ERO1B: variants seen among roughly 807,000 people sequenced by gnomAD.
The protein encoded by ERO1B is endoplasmic reticulum oxidoreductase 1 beta, also known as ERO1-like protein beta.
ERO1B carries 49 observed loss-of-function variants against 75.3 expected under a neutral mutation model. The observed-to-expected ratio is 0.65, with a 90% CI of 0.52 to 0.83. ERO1B has a LOEUF of 0.83. Ranked by LOEUF, ERO1B falls within the 40% of genes least tolerant of loss-of-function variation. The pLI is 0.00. For missense variants in ERO1B, 512 were observed against 560.1 expected, an observed-to-expected ratio of 0.91 and a Z score of 0.87; for synonymous variants, 191 against 192.9, an observed-to-expected ratio of 0.99 and a Z score of 0.08.
rs1236710964 is a variant in ERO1B at position 236,246,666 on chromosome 1, T to G, written c.432-3171A>C. 2.0e-5 allele frequency among the ~76,000 whole-genome samples: 3 copies of G among 152,200 alleles called. No homozygotes were observed. The East Asian group carries it at 5.8e-4, about 29-fold the overall frequency. The stretch of plus-strand genomic sequence containing the variant: ...CAGATACAACAGAATATGTTCTATA[T>G]CATTCTATTTATAAACAGTTAAAAC... On this transcript the variant is annotated intron_variant, in intron 5 of 15. Coordinates refer to ENST00000354619, the MANE Select transcript of ERO1B (RefSeq NM_019891.4).
Position 236,225,112 on chromosome 1 carries a change from T to G in ERO1B, c.1080A>C (p.Lys360Asn). ...TKSFPMHFDE[K>N]SMFAGDKKGA... ...CTTTTTTGTCACCTGCAAACATGGA[T>G]TTCTCATCAAAGTGCATGGGAAAGG... The change falls in exon 13 of 16, where the codon AAA (lysine) becomes AAC (asparagine). Residue 360 changes from lysine (K) to asparagine (N), a missense_variant. Physicochemically the swap from Lys to Asn is moderately conservative, Grantham distance 94. Transcript: ENST00000354619. The G allele has an allele frequency of 6.2e-7, 1 of 1,613,920 alleles. No homozygotes were observed. The highest frequency in any genetic ancestry group is 8.5e-7 in the Non-Finnish European group (1 of 1,179,822).
intron 13 of ERO1B, among the ~76,000 whole-genome samples, chr1:236,223,219 AAAAAAG>A (rs1420091314): frequency 1.3e-5 from 2 of 151,498 alleles, no homozygotes; most frequent in Non-Finnish European, 2.9e-5. Context: ...AAAAAAAAAA[AAAAAAG>A]AGAAGTTTCC....
rs1283496858 is a variant in ERO1B, at chr1:236,253,508, TGAAA to T, written c.223-7_223-4del. ...GGACAAGGTCGCTTCAGATTAACCT[TGAAA>T]GAAAGAACAAAGTTAGTAAACTCAT... On this transcript the variant is annotated splice_region_variant and splice_polypyrimidine_tract_variant and intron_variant, in intron 2 of 15. Coordinates refer to ENST00000354619, the MANE Select transcript of ERO1B (RefSeq NM_019891.4). 8 of 1,596,932 alleles carry T rather than the reference TGAAA, an allele frequency of 5.0e-6. No individual in the cohort carries two copies. The African/African-American group carries it at 9.4e-5, about 19-fold the overall frequency.
At chr1:236,260,340 T>C (rs1665266812) in intron 2 of ERO1B, among the ~76,000 whole-genome samples, 1 of 152,154 alleles carries the variant, frequency 6.6e-6, no homozygotes, top group Non-Finnish European at 1.5e-5. Context: ...TTAAGGAAAC[T>C]GATTCAATAA....
chr1:236,270,806 T>C (rs564468129), intron 1 of ERO1B, among the ~76,000 whole-genome samples: 1 of 151,990 alleles, frequency 6.6e-6, no homozygotes, highest in African/African-American at 2.4e-5. Context: ...AATGAAAAAA[T>C]TTTAGAAATG....
In ERO1B at chr1:236,217,604, T is replaced by C. The variant is rs1014018742; in HGVS notation, c.*912A>G. On this transcript the variant is annotated 3_prime_UTR_variant, in exon 16 of 16. Coordinates refer to ENST00000354619, the MANE Select transcript of ERO1B (RefSeq NM_019891.4). Reference sequence around the variant, plus strand: ...AATTTTGTGTATATAATATTTTCAATTGGCATTATAAATTCATATAATCCC... The same window carrying C: ...AATTTTGTGTATATAATATTTTCAACTGGCATTATAAATTCATATAATCCC... The C allele has an allele frequency of 1.7e-4, 26 of 152,742 alleles. No individual in the cohort carries two copies. Among genetic ancestry groups the C allele is most frequent in the African/African-American group, 6.3e-4 (26 of 41,586 alleles). 9.5% of individuals were successfully genotyped at this position (152,742 alleles called of 1,614,324 possible).
chr1:236,253,474 G>T lies in ERO1B; in HGVS notation c.254C>A (p.Ala85Glu). 1 of 1,610,548 alleles carries T rather than the reference G, an allele frequency of 6.2e-7. No homozygotes were observed. Among genetic ancestry groups the T allele is most frequent in the Non-Finnish European group, 8.5e-7 (1 of 1,177,942 alleles). ...TTTTATTGAACAGTGGCCATCTTCT[G>T]CCCAGAAAGGACAAGGTCGCTTCAG... is the stretch of plus-strand genomic sequence containing the variant. ...VNLKRPCPFW[A>E]EDGHCSIKDC... Residue 85 changes from alanine (A) to glutamate (E), a missense_variant, in exon 3 of 16, where the codon GCA (alanine) becomes GAA (glutamate). Ala to Glu is a moderately radical substitution (Grantham distance 107, BLOSUM62 -1). Transcript: ENST00000354619.
At chr1:236,232,690 T>TTG in intron 9 of ERO1B, 138 bp downstream of exon 9, 1 of 555,636 alleles carries the variant, frequency 1.8e-6, no homozygotes. Context: ...TTTTTTTTTT[T>TTG]GGTCACCATT....
At position 236,226,700 on chromosome 1, in the gene ERO1B, G is replaced by C; in HGVS notation, c.752C>G (p.Ser251Trp). Residue 251 changes from serine (S) to tryptophan (W), a missense_variant, in exon 11 of 16, where the codon TCG becomes TGG. Transcript: ENST00000354619. ...LEKRVFYKLI[S>W]GLHASINLHL... ...TAAATTGATGCTAGCATGAAGTCCC[G>C]ATATAAGCTTATAGAAGACTCTTTT... 6.2e-7 allele frequency: 1 copy of C among 1,612,460 alleles called. No homozygotes were observed. The highest frequency in any genetic ancestry group is 1.1e-5 in the South Asian group (1 of 90,506).
intron 9 of ERO1B, among the ~76,000 whole-genome samples, chr1:236,232,157 A>G (rs1664425234): frequency 6.6e-6 from 1 of 152,136 alleles, no homozygotes; most frequent in South Asian, 2.1e-4. Flanking sequence ...AGCTATATAT[A>G]TCACCTACTG....
At chr1:236,239,546 T>C (rs1159510050) in intron 6 of ERO1B, among the ~76,000 whole-genome samples, 1 of 152,070 alleles carries the variant, frequency 6.6e-6, no homozygotes, top group African/African-American at 2.4e-5. Flanking sequence ...ACACACTAGC[T>C]GGTAGTGCCC....
At chr1:236,230,181 T>A in intron 10 of ERO1B, 43 bp downstream of exon 10, 2 of 1,487,684 alleles carry the variant, frequency 1.3e-6, no homozygotes, top group Non-Finnish European at 1.9e-6. Context: ...TAAATCAGTA[T>A]TTTTTAACAA....
At chr1:236,250,623 C>G in intron 4 of ERO1B, among the ~76,000 whole-genome samples, 1 of 101,552 alleles carries the variant, frequency 9.8e-6, no homozygotes, top group Admixed American at 1.0e-4. Context: ...ATATATCAAA[C>G]GTGTGTGTGC....
rs1301328650 is a variant in ERO1B, at chr1:236,239,907, A to T, written c.506-3509T>A. Among the ~76,000 whole-genome samples, 6 of 106,378 alleles carry T rather than the reference A, an allele frequency of 5.6e-5. 1 individual carries two copies. The East Asian group carries it at 1.5e-3, about 26-fold the overall frequency. 69.8% of individuals were successfully genotyped at this position (106,378 alleles called of 152,430 possible). On this transcript the variant is annotated intron_variant, in intron 6 of 15. Transcript: ENST00000354619. ...TGTGTGTGTGTATATATATATATAT[A>T]TATATTTTTTTTTTTTGCGATGAGG...
chr1:236,235,809 T>C lies in ERO1B; in HGVS notation c.653A>G (p.Asn218Ser). ...FKPRSVYRPL[N>S]PLAPSRGEDD... ...CCTACCTCGGCTAGGCGCCAGAGGA[T>C]TTAAAGGACGATAAACAGATCGAGG... Residue 218 changes from asparagine to serine, a missense_variant, in exon 8 of 16, where the codon AAT becomes AGT. Transcript: ENST00000354619. 1 of 1,612,524 alleles carries C rather than the reference T, an allele frequency of 6.2e-7. No homozygotes were observed. The highest frequency in any genetic ancestry group is 1.1e-5 in the South Asian group (1 of 90,590).
chr1:236,230,530 T>C (rs1019297593), intron 9 of ERO1B, among the ~76,000 whole-genome samples: 12 of 145,166 alleles, frequency 8.3e-5, no homozygotes, highest in African/African-American at 3.1e-4. Flanking sequence ...GAGAATTGCT[T>C]GGACCCAGGA....
intron 6 of ERO1B, among the ~76,000 whole-genome samples, chr1:236,240,518 A>C (rs1664674065): frequency 6.6e-6 from 1 of 152,224 alleles, no homozygotes; most frequent in South Asian, 2.1e-4. Flanking sequence ...CAGTTTATAA[A>C]GCTCTCAAAA....
intron 1 of ERO1B, among the ~76,000 whole-genome samples, chr1:236,279,665 G>A (rs1410125456): frequency 2.6e-5 from 2 of 77,398 alleles, no homozygotes; most frequent in African/African-American, 5.3e-5. Context: ...CCTGTCTACT[G>A]GGAAAAAAAA....
chr1:236,255,308 GCCGCATT>G (rs1665136643), intron 2 of ERO1B, among the ~76,000 whole-genome samples: 1 of 151,906 alleles, frequency 6.6e-6, no homozygotes, highest in South Asian at 2.1e-4. Context: ...TCACTCTTTC[GCCGCATT>G]CAAGTCTCTC....
Sources: gnomAD v4.1 joint callset for allele counts (sites outside exome capture counted in the v4.1 genomes callset) on GRCh38, gnomAD v4.1.1 for gene constraint, MANE v1.5 for transcripts, NCBI Gene and HGNC (gene_info 2026-07-23, HGNC 2026-07-21) for gene names.